Variants in VSTM1 observed in about 807,000 individuals in gnomAD.
VSTM1 encodes the protein V-set and transmembrane domain containing 1, also known as V-set and transmembrane domain-containing protein 1.
In VSTM1, 27 loss-of-function variants were observed where a neutral mutation model predicts 33.1. The observed-to-expected ratio is 0.82, with a 90% CI of 0.60 to 1.12. The LOEUF is 1.12. VSTM1 is among the 50% of genes most tolerant of loss of function. VSTM1 has a pLI of 0.00. For missense variants in VSTM1, 304 were observed against 288.9 expected (o/e 1.05, Z -0.38); for synonymous variants, 115 against 110.3 (o/e 1.04, Z -0.27).
At chr19:54,059,947 A>G (rs1426779369) in intron 1 of VSTM1, among the ~76,000 whole-genome samples, 1 of 150,354 alleles carries the variant, frequency 6.7e-6, no homozygotes, top group Non-Finnish European at 1.5e-5. Context: ...TCCCGGGTTC[A>G]CGCCATTCTC....
intron 4 of VSTM1, 95 bp from the exon 5 acceptor site, chr19:54,042,464 C>T (rs1186295713): frequency 1.3e-6 from 2 of 1,487,990 alleles, no homozygotes; most frequent in Non-Finnish European, 1.8e-6. Context: ...GACAGATGGC[C>T]TGGCTTCCAA....
intron 3 of VSTM1, 55 bp from the exon 4 acceptor site, chr19:54,051,503 G>T (rs2070840325): frequency 1.2e-5 from 18 of 1,454,948 alleles, no homozygotes; most frequent in Admixed American, 6.7e-5. Context: ...GAACCTTGGG[G>T]ACAGGAGTCC....
Position 54,040,905 on chromosome 19 carries a change from C to G in VSTM1, c.*56G>C. On this transcript the variant is annotated 3_prime_UTR_variant, in exon 9 of 9. Coordinates refer to ENST00000338372, the MANE Select transcript of VSTM1 (RefSeq NM_198481.4). The stretch of plus-strand genomic sequence containing the variant: ...CACAGTATCTGCATCTCCAGATTTC[C>G]GATAACCTTGGCCAGCACGATCCCC... 6.4e-7 allele frequency: 1 copy of G among 1,574,092 alleles called. No homozygotes were observed.
intron 3 of VSTM1, among the ~76,000 whole-genome samples, chr19:54,053,182 A>G (rs1219642971): frequency 7.1e-6 from 1 of 140,450 alleles, no homozygotes; most frequent in Non-Finnish European, 1.6e-5. Flanking sequence ...TTCCAGGAAC[A>G]CTCACACTTC....
Position 54,042,167 on chromosome 19 carries a change from A to G in VSTM1, c.515+2T>C, listed in dbSNP as rs369663267. ...GGAGCATGAGCTATGCCAAGCATCT[A>G]CCTCTTGGTGGATTCCTCAGATGAT... On this transcript the variant is annotated splice_donor_variant, in intron 6 of 8. Coordinates refer to ENST00000338372, the MANE Select transcript of VSTM1 (RefSeq NM_198481.4). LOFTEE classifies it high-confidence loss of function. 5.0e-6 allele frequency: 8 copies of G among 1,613,704 alleles called. No homozygotes were observed. Among genetic ancestry groups the G allele is most frequent in the Admixed American group, 1.7e-5 (1 of 59,948 alleles).
At chr19:54,043,608 C>T (rs1010269486) in intron 4 of VSTM1, among the ~76,000 whole-genome samples, 4 of 152,030 alleles carry the variant, frequency 2.6e-5, no homozygotes, top group Non-Finnish European at 4.4e-5. Flanking sequence ...GACGGGGTTT[C>T]GCCATGTTGG....
chr19:54,053,241 A>G (rs1489579145), intron 3 of VSTM1, among the ~76,000 whole-genome samples: 1 of 140,874 alleles, frequency 7.1e-6, no homozygotes, highest in Non-Finnish European at 1.6e-5. Flanking sequence ...TGTTCTCCAG[A>G]TATCGGTGTG....
chr19:54,061,734 A>C (rs2071402536), intron 1 of VSTM1, among the ~76,000 whole-genome samples: 2 of 151,920 alleles, frequency 1.3e-5, no homozygotes, highest in Admixed American at 1.3e-4. Flanking sequence ...GGACTGCTTG[A>C]GCTCAGGAGG....
At chr19:54,043,544 T>C (rs1218364464) in intron 4 of VSTM1, among the ~76,000 whole-genome samples, 1 of 152,112 alleles carries the variant, frequency 6.6e-6, no homozygotes, top group African/African-American at 2.4e-5. Context: ...CCTGAGTAGC[T>C]GGGATTACAG....
chr19:54,045,590 GTATC>G (rs1188108873), intron 4 of VSTM1, among the ~76,000 whole-genome samples: 1 of 149,478 alleles, frequency 6.7e-6, no homozygotes, highest in East Asian at 1.9e-4. Flanking sequence ...TCTATCTAAT[GTATC>G]TATCAATCAT....
rs2071464928 is a variant in VSTM1 at position 54,062,883 on chromosome 19, T to C, written c.34+861A>G. 2.0e-5 allele frequency among the ~76,000 whole-genome samples: 3 copies of C among 152,016 alleles called. No homozygotes were observed. The South Asian group carries it at 6.2e-4, about 32-fold the overall frequency. On this transcript the variant is annotated intron_variant, in intron 1 of 8. Transcript: ENST00000338372. The stretch of plus-strand genomic sequence containing the variant: ...GTGCACCAGGGAGGAACTGGGGCCT[T>C]AGGGAGGTGGAGCTCTGCTGGGTCA...
intron 3 of VSTM1, among the ~76,000 whole-genome samples, chr19:54,056,214 CTTTT>C (rs869203085): frequency 1.3e-4 from 5 of 39,176 alleles, no homozygotes; most frequent in East Asian, 6.0e-4. Flanking sequence ...CTTTTCTTTT[CTTTT>C]TTTTTTTTTT....
Position 54,048,171 on chromosome 19 carries a change from T to G in VSTM1, c.394+3239A>C, listed in dbSNP as rs564591198. On this transcript the variant is annotated intron_variant, in intron 4 of 8. Transcript: ENST00000338372. ...CGCTCTGTCACCCAGGCTGGAGTGC[T>G]GTGGCGCAATCACAGTTCACTGAAG... Among the ~76,000 whole-genome samples the G allele has an allele frequency of 2.0e-5, 3 of 152,296 alleles. No individual in the cohort carries two copies. In the East Asian group the frequency reaches 5.8e-4, roughly 29 times the overall value.
intron 3 of VSTM1, chr19:54,055,553 G>T (rs1302825042): frequency 7.0e-6 from 1 of 143,068 alleles, no homozygotes; most frequent in African/African-American, 2.6e-5. Context: ...GGCCAAGTGT[G>T]ATGAGTTGCT....
intron 8 of VSTM1, 96 bp from the exon 9 acceptor site, chr19:54,041,176 T>C (rs1449319118): frequency 7.4e-7 from 1 of 1,344,058 alleles, no homozygotes; most frequent in South Asian, 1.6e-5. Flanking sequence ...TACAATTAAA[T>C]TTAATTTAAA....
chr19:54,048,714 C>T (rs2070711511), intron 4 of VSTM1, among the ~76,000 whole-genome samples: 1 of 152,150 alleles, frequency 6.6e-6, no homozygotes, highest in Non-Finnish European at 1.5e-5. Context: ...CGGAGACAAA[C>T]AGATACTCCT....
chr19:54,062,721 C>CA (rs35069136), intron 1 of VSTM1, among the ~76,000 whole-genome samples: 83,129 of 135,288 alleles, frequency 0.61, 26,304 homozygotes, highest in Non-Finnish European at 0.7. Flanking sequence ...AAGACTCTGT[C>CA]AAAAAAAAAA....
At chr19:54,059,146 C>T (rs926930847) in intron 1 of VSTM1, among the ~76,000 whole-genome samples, 11 of 150,402 alleles carry the variant, frequency 7.3e-5, no homozygotes, top group South Asian at 4.2e-4. Context: ...CTGCAACCTC[C>T]GCCTCCCAGG....
At chr19:54,060,586 C>A (rs1386503907) in intron 1 of VSTM1, among the ~76,000 whole-genome samples, 2 of 152,174 alleles carry the variant, frequency 1.3e-5, no homozygotes, top group Admixed American at 1.3e-4. Flanking sequence ...GGCAGGGCAT[C>A]CCAGGACTCA....
Sources: allele counts gnomAD v4.1 joint callset (sites outside exome capture counted in the v4.1 genomes callset), GRCh38; gene constraint gnomAD v4.1.1; transcripts MANE v1.5; gene names NCBI Gene and HGNC (gene_info 2026-07-23, HGNC 2026-07-21).